The following SMIM17 variants were observed in gnomAD, a reference collection of about 807,000 sequenced individuals.
The protein encoded by SMIM17 is small integral membrane protein 17.
SMIM17 carries 10 observed loss-of-function variants against 12.2 expected under a neutral mutation model. The ratio of observed to expected loss-of-function variants is 0.82; its 90% CI spans 0.50 to 1.39. The LOEUF (loss-of-function observed/expected upper bound fraction) is 1.39, where lower values mean the gene tolerates loss of function less well. Ranked by LOEUF, SMIM17 falls within the 40% of genes most tolerant of loss-of-function variation. The pLI is 0.00. For missense variants in SMIM17, 136 were observed against 118.2 expected (o/e 1.15, Z -0.70); for synonymous variants, 50 against 44.1 (o/e 1.13, Z -0.53).
At chr19:56,650,319 G>A (rs1427847365) in intron 3 of SMIM17, among the ~76,000 whole-genome samples, 17 of 152,038 alleles carry the variant, frequency 1.1e-4, no homozygotes, top group African/African-American at 3.9e-4. Context: ...GACTACAGGC[G>A]CACACCACCA....
chr19:56,646,697 G>T (rs2148038707), intron 2 of SMIM17, among the ~76,000 whole-genome samples: 1 of 152,282 alleles, frequency 6.6e-6, no homozygotes, highest in East Asian at 1.9e-4. Context: ...ACAGAGGTGA[G>T]GTAAGTGGAG....
At chr19:56,649,975 G>A (rs1352498978) in intron 3 of SMIM17, among the ~76,000 whole-genome samples, 1 of 152,086 alleles carries the variant, frequency 6.6e-6, no homozygotes, top group African/African-American at 2.4e-5. Context: ...GGGAGCCATC[G>A]AAGGTGTTCG....
chr19:56,648,977 T>G (rs1285265738), intron 3 of SMIM17, among the ~76,000 whole-genome samples: 2 of 152,146 alleles, frequency 1.3e-5, no homozygotes, highest in African/African-American at 4.8e-5. Flanking sequence ...GAAAATGGAT[T>G]TATTGGCTCG....
intron 3 of SMIM17, among the ~76,000 whole-genome samples, chr19:56,648,420 T>C (rs1600618008): frequency 6.7e-6 from 1 of 148,578 alleles, no homozygotes; most frequent in African/African-American, 2.5e-5. Flanking sequence ...CACCCATTCA[T>C]CCATCCATAT....
chr19:56,648,133 T>TCCAC (rs1268614257), intron 3 of SMIM17, among the ~76,000 whole-genome samples: 2 of 6,886 alleles, frequency 2.9e-4, no homozygotes, highest in African/African-American at 1.9e-3. Flanking sequence ...TATCCACTTA[T>TCCAC]CCATCCATCC....
intron 3 of SMIM17, among the ~76,000 whole-genome samples, chr19:56,652,638 C>T (rs527715832): frequency 2.0e-5 from 3 of 147,848 alleles, no homozygotes; most frequent in South Asian, 2.2e-4. Flanking sequence ...GGCGATACAG[C>T]GAGACTCTCC....
intron 3 of SMIM17, among the ~76,000 whole-genome samples, chr19:56,651,839 C>T (rs1454255893): frequency 6.6e-6 from 1 of 152,090 alleles, no homozygotes; most frequent in Middle Eastern, 3.2e-3. Flanking sequence ...CACAGTGGCT[C>T]ACGTCTATAA....
chr19:56,655,350 G>T lies in SMIM17; in HGVS notation c.*137G>T. On this transcript the variant is annotated 3_prime_UTR_variant, in exon 4 of 4. Coordinates refer to ENST00000598409, the MANE Select transcript of SMIM17 (RefSeq NM_001193628.2). ...ATGCCTTTCAAACATCCTTTGAGAT[G>T]ATTTTTAAAAAATTTTTGGTGTGAG... 2 of 489,562 alleles carry T rather than the reference G, an allele frequency of 4.1e-6. No individual in the cohort carries two copies. The highest frequency in any genetic ancestry group is 3.6e-6 in the Non-Finnish European group (1 of 276,126). 30.3% of individuals were successfully genotyped at this position (489,562 alleles called of 1,614,324 possible). A position where few individuals can be genotyped will look rare whatever the true frequency, so the allele number is the denominator to read the frequency against.
chr19:56,648,851 A>G (rs1052983490), intron 3 of SMIM17, among the ~76,000 whole-genome samples: 1 of 152,232 alleles, frequency 6.6e-6, no homozygotes, highest in African/African-American at 2.4e-5. Context: ...TGGTTCTTTC[A>G]TTTATACATT....
intron 3 of SMIM17, among the ~76,000 whole-genome samples, chr19:56,653,466 C>A (rs1376038096): frequency 6.6e-6 from 1 of 152,222 alleles, no homozygotes; most frequent in East Asian, 1.9e-4. Flanking sequence ...TGTGTCAGAC[C>A]CATTTCCTTG....
chr19:56,645,772 C>A lies in SMIM17; in HGVS notation c.105C>A (p.Pro35=). ...ESRAWEKPPH[P]ACTKDWEAVE... is the part of the protein sequence containing the mutation. ...GGGCCTGGGAGAAGCCTCCTCATCC[C>A]GCCTGCACCAAAGACTGGGAGGCTG... Residue 35 remains proline, a synonymous_variant, in exon 2 of 4, where the codon CCC becomes CCA. Coordinates refer to ENST00000598409, the MANE Select transcript of SMIM17 (RefSeq NM_001193628.2). 1 of 1,535,902 alleles carries A rather than the reference C, an allele frequency of 6.5e-7. No individual in the cohort carries two copies. The highest frequency in any genetic ancestry group is 8.7e-7 in the Non-Finnish European group (1 of 1,146,852).
intron 3 of SMIM17, 147 bp from the exon 4 acceptor site, chr19:56,654,956 A>G (rs1411898461): frequency 1.1e-5 from 5 of 475,142 alleles, no homozygotes; most frequent in East Asian, 3.1e-5. Flanking sequence ...TTTATCTTAT[A>G]TCTACTCAGT....
chr19:56,645,420 G>T, intron 1 of SMIM17, 148 bp from the exon 2 acceptor site: 1 of 378,954 alleles, frequency 2.6e-6, no homozygotes, highest in Non-Finnish European at 4.7e-6. Context: ...TTTGTTCCCT[G>T]CCTGTCTCTT....
chr19:56,646,634 A>C (rs2045065317), intron 2 of SMIM17, among the ~76,000 whole-genome samples: 1 of 152,190 alleles, frequency 6.6e-6, no homozygotes, highest in Non-Finnish European at 1.5e-5. Context: ...AGGGCTAGGA[A>C]GTCAAGAATG....
In SMIM17 at chr19:56,651,941, T is replaced by C. The variant is rs1257049509; in HGVS notation, c.247-3162T>C. On this transcript the variant is annotated intron_variant, in intron 3 of 3. Transcript: ENST00000598409. ...TAACATGGCAAAACCCCATTTCTAC[T>C]AAAAATACAAAAATTAGCTGGGCAT... Among the ~76,000 whole-genome samples, 4 of 151,710 alleles carry C rather than the reference T, an allele frequency of 2.6e-5. No homozygotes were observed. In the East Asian group the frequency reaches 7.8e-4, roughly 30 times the overall value.
At chr19:56,646,705 G>C (rs2045066225) in intron 2 of SMIM17, among the ~76,000 whole-genome samples, 1 of 152,156 alleles carries the variant, frequency 6.6e-6, no homozygotes. Context: ...GAGGTAAGTG[G>C]AGAGATTTGG....
At chr19:56,649,328 C>T (rs2045091637) in intron 3 of SMIM17, among the ~76,000 whole-genome samples, 1 of 152,178 alleles carries the variant, frequency 6.6e-6, no homozygotes, top group Non-Finnish European at 1.5e-5. Flanking sequence ...ATTTCTTGAG[C>T]ACCTGCTCAG....
At chr19:56,649,905 C>A (rs2045096349) in intron 3 of SMIM17, among the ~76,000 whole-genome samples, 1 of 152,036 alleles carries the variant, frequency 6.6e-6, no homozygotes, top group African/African-American at 2.4e-5. Context: ...TGGCCTTTAG[C>A]AGGACTCCTC....
chr19:56,653,746 A>C (rs943190464), intron 3 of SMIM17, among the ~76,000 whole-genome samples: 1 of 152,218 alleles, frequency 6.6e-6, no homozygotes, highest in Admixed American at 6.5e-5. Flanking sequence ...TTGTAAAGGA[A>C]GATTTGAAAT....
Sources: gnomAD v4.1 joint callset for allele counts (sites outside exome capture counted in the v4.1 genomes callset) on GRCh38, gnomAD v4.1.1 for gene constraint, MANE v1.5 for transcripts, NCBI Gene and HGNC (gene_info 2026-07-23, HGNC 2026-07-21) for gene names.